The following CACNA2D3 variants were observed in gnomAD, a reference collection of about 807,000 sequenced individuals.
CACNA2D3 encodes calcium voltage-gated channel auxiliary subunit alpha2delta 3.
CACNA2D3 carries 60 observed loss-of-function variants against 160.6 expected under a neutral mutation model. That is an observed-to-expected ratio of 0.37 (90% CI 0.30 to 0.46). The LOEUF (loss-of-function observed/expected upper bound fraction) is 0.46. Ranked by LOEUF, CACNA2D3 falls within the 20% of genes least tolerant of loss-of-function variation. CACNA2D3 has a pLI of 1.00. For missense variants in CACNA2D3, 1,205 were observed against 1,365.0 expected, an observed-to-expected ratio of 0.88 and a Z score of 1.85; for synonymous variants, 558 against 492.9, an observed-to-expected ratio of 1.13 and a Z score of -1.75.
At chr3:55,005,249 C>A (rs921276886) in intron 32 of CACNA2D3, among the ~76,000 whole-genome samples, 3 of 151,862 alleles carry the variant, frequency 2.0e-5, no homozygotes, top group Non-Finnish European at 2.9e-5. Context: ...GCACTCCAGC[C>A]TGGGCAACAG....
At chr3:54,602,223 C>T (rs887626068) in intron 9 of CACNA2D3, among the ~76,000 whole-genome samples, 1 of 152,104 alleles carries the variant, frequency 6.6e-6, no homozygotes, top group African/African-American at 2.4e-5. Flanking sequence ...CAAGGCCAGG[C>T]GTGGTGGCTC....
At chr3:55,070,417 G>T (rs1704776438) in intron 35 of CACNA2D3, among the ~76,000 whole-genome samples, 1 of 152,144 alleles carries the variant, frequency 6.6e-6, no homozygotes, top group Admixed American at 6.5e-5. Flanking sequence ...CAGGAGGGAG[G>T]GTTAAGAGAC....
chr3:54,942,379 C>T (rs1701494107), intron 27 of CACNA2D3, among the ~76,000 whole-genome samples: 1 of 152,144 alleles, frequency 6.6e-6, no homozygotes, highest in African/African-American at 2.4e-5. Context: ...GCAGCAGCCT[C>T]CACGAGAGCA....
At chr3:54,232,831 C>T (rs538516103) in intron 2 of CACNA2D3, among the ~76,000 whole-genome samples, 4 of 152,098 alleles carry the variant, frequency 2.6e-5, no homozygotes, top group Admixed American at 2.6e-4. Context: ...TAAACTGTGC[C>T]CTTATTGTTT....
intron 10 of CACNA2D3, among the ~76,000 whole-genome samples, chr3:54,636,176 A>T (rs647594): frequency 0.94 from 142,842 of 151,888 alleles, 67,280 homozygotes; most frequent in African/African-American, 0.97. Flanking sequence ...GCTAGTGGCT[A>T]GTACTATAGC....
chr3:54,999,314 G>T (rs1702929456), intron 31 of CACNA2D3, among the ~76,000 whole-genome samples: 1 of 152,130 alleles, frequency 6.6e-6, no homozygotes, highest in South Asian at 2.1e-4. Flanking sequence ...ATGAGTAAGG[G>T]CTTCCCATGG....
chr3:54,811,501 T>TGAGACAGCA (rs1703316587), intron 13 of CACNA2D3, among the ~76,000 whole-genome samples: 1 of 122,020 alleles, frequency 8.2e-6, no homozygotes, highest in Non-Finnish European at 1.7e-5. Flanking sequence ...TTTTTTTTTT[T>TGAGACAGCA]TTTTTTTTTT....
chr3:54,919,054 G>T (rs576851886), intron 27 of CACNA2D3, among the ~76,000 whole-genome samples: 1 of 151,714 alleles, frequency 6.6e-6, no homozygotes, highest in Non-Finnish European at 1.5e-5. Context: ...ATGATTTTAG[G>T]ATTCCTAAAT....
intron 3 of CACNA2D3, among the ~76,000 whole-genome samples, chr3:54,379,242 G>A (rs1699060530): frequency 6.6e-6 from 1 of 152,154 alleles, no homozygotes; most frequent in Non-Finnish European, 1.5e-5. Flanking sequence ...AGCAATTTTT[G>A]CAGCTTTCAG....
chr3:55,036,427 T>C (rs909629396), intron 35 of CACNA2D3, among the ~76,000 whole-genome samples: 2 of 152,060 alleles, frequency 1.3e-5, no homozygotes, highest in African/African-American at 4.8e-5. Flanking sequence ...CACAAAACCC[T>C]TGTGTTTTAT....
At chr3:55,005,997 C>A (rs1703085242) in intron 32 of CACNA2D3, among the ~76,000 whole-genome samples, 1 of 152,190 alleles carries the variant, frequency 6.6e-6, no homozygotes, top group Non-Finnish European at 1.5e-5. Flanking sequence ...TTCTCCTACA[C>A]TGAGGGAGCA....
At chr3:54,161,665 G>C (rs1318526010) in intron 2 of CACNA2D3, among the ~76,000 whole-genome samples, 1 of 152,192 alleles carries the variant, frequency 6.6e-6, no homozygotes, top group East Asian at 1.9e-4. Context: ...TATTTGAAAT[G>C]ACTGTTGCTT....
intron 2 of CACNA2D3, among the ~76,000 whole-genome samples, chr3:54,221,931 C>G (rs2107378558): frequency 6.6e-6 from 1 of 152,030 alleles, no homozygotes; most frequent in East Asian, 1.9e-4. Flanking sequence ...TCACTGCAGC[C>G]TTGAACTCCT....
At chr3:54,687,148 T>TTTTTTTTTTTTTTTTTC (rs1700478444) in intron 11 of CACNA2D3, among the ~76,000 whole-genome samples, 1 of 126,706 alleles carries the variant, frequency 7.9e-6, no homozygotes, top group Admixed American at 7.9e-5. Context: ...TTTTTTTTTT[T>TTTTTTTTTTTTTTTTTC]TTGTTTTTTT....
intron 11 of CACNA2D3, among the ~76,000 whole-genome samples, chr3:54,749,956 G>A (rs939969344): frequency 2.0e-5 from 3 of 152,352 alleles, no homozygotes; most frequent in African/African-American, 7.2e-5. Context: ...GGTGGTGGTC[G>A]TGGTAGGACT....
At chr3:54,930,410 T>G (rs1254839574) in intron 27 of CACNA2D3, among the ~76,000 whole-genome samples, 1 of 152,218 alleles carries the variant, frequency 6.6e-6, no homozygotes, top group Admixed American at 6.5e-5. Context: ...TTACCAGCTT[T>G]AAGGGGGCTT....
At chr3:54,992,257 A>G (rs1702759176) in intron 31 of CACNA2D3, among the ~76,000 whole-genome samples, 1 of 152,230 alleles carries the variant, frequency 6.6e-6, no homozygotes, top group Non-Finnish European at 1.5e-5. Context: ...CTACGCTCTT[A>G]GGAGTCACCT....
intron 4 of CACNA2D3, among the ~76,000 whole-genome samples, chr3:54,449,373 A>G (rs1429678076): frequency 6.6e-6 from 1 of 152,268 alleles, no homozygotes; most frequent in Non-Finnish European, 1.5e-5. Flanking sequence ...ATTTAAGAAC[A>G]TAGTGTGTTC....
intron 9 of CACNA2D3, among the ~76,000 whole-genome samples, chr3:54,612,173 C>G (rs1698760862): frequency 6.6e-6 from 1 of 152,130 alleles, no homozygotes; most frequent in African/African-American, 2.4e-5. Flanking sequence ...AGCTGAAAAT[C>G]AGCAGAGCCA....
Sources: gnomAD v4.1 joint callset for allele counts (sites outside exome capture counted in the v4.1 genomes callset) on GRCh38, gnomAD v4.1.1 for gene constraint, MANE v1.5 for transcripts, NCBI Gene and HGNC (gene_info 2026-07-23, HGNC 2026-07-21) for gene names.